Variants in AR observed in about 807,000 individuals in gnomAD.
AR encodes androgen receptor, also known as dihydrotestosterone receptor.
Under a neutral mutation model 53.9 loss-of-function variants are expected in AR, and 8 were observed. That is an observed-to-expected ratio of 0.15 (90% confidence interval 0.09 to 0.27). AR has a LOEUF of 0.27. Among genes scored for constraint, AR ranks in the 10% least tolerant of loss-of-function variants. The probability of loss-of-function intolerance (pLI) is 1.00; values close to 1 mark genes in which losing one functional copy is unlikely to be tolerated. For missense variants in AR, 639 were observed against 742.5 expected (o/e 0.86, Z 1.62); for synonymous variants, 359 against 316.4 (o/e 1.13, Z -1.43).
At chrX:67,693,543 T>C (rs1321841262) in intron 3 of AR, among the ~76,000 whole-genome samples, 6 of 112,332 alleles carry the variant, frequency 5.3e-5, no homozygotes, top group Non-Finnish European at 7.5e-5. Flanking sequence ...GTAAAATATT[T>C]TCTTTTTATA....
At chrX:67,660,808 A>G (rs1205252475) in intron 2 of AR, among the ~76,000 whole-genome samples, 5 of 111,385 alleles carry the variant, frequency 4.5e-5, no homozygotes, top group Admixed American at 1.9e-4. Flanking sequence ...CTTGGGCAGT[A>G]TGGCCATTTT....
intron 2 of AR, among the ~76,000 whole-genome samples, chrX:67,660,316 A>C (rs193189978): frequency 2.9e-3 from 323 of 111,720 alleles, no homozygotes; most frequent in African/African-American, 1.0e-2. Flanking sequence ...GGTATTGCGT[A>C]GGTTTTCTTC....
intron 2 of AR, among the ~76,000 whole-genome samples, chrX:67,658,919 G>A (rs1001251476): frequency 2.7e-5 from 3 of 111,846 alleles, no homozygotes; most frequent in Non-Finnish European, 3.8e-5. Context: ...AAACCTTTAC[G>A]AATAGTAGGT....
At chrX:67,662,177 A>G (rs1170257973) in intron 2 of AR, among the ~76,000 whole-genome samples, 1 of 111,440 alleles carries the variant, frequency 9.0e-6, no homozygotes, top group South Asian at 3.8e-4. Flanking sequence ...AGGGTTTTTT[A>G]CATCTCTATT....
At chrX:67,647,309 A>G (rs1238428094) in intron 2 of AR, among the ~76,000 whole-genome samples, 1 of 111,533 alleles carries the variant, frequency 9.0e-6, no homozygotes. Flanking sequence ...TCTTTAGCAA[A>G]TTTTATGTAA....
At chrX:67,705,862 T>C (rs1480030887) in intron 3 of AR, among the ~76,000 whole-genome samples, 2 of 111,855 alleles carry the variant, frequency 1.8e-5, no homozygotes, top group Non-Finnish European at 3.8e-5. Flanking sequence ...TGAAGGGCTG[T>C]TGAATTTTGT....
chrX:67,678,106 T>C (rs1382680291), intron 2 of AR, among the ~76,000 whole-genome samples: 2 of 109,660 alleles, frequency 1.8e-5, no homozygotes, highest in East Asian at 2.9e-4. Context: ...TTGGACTAAA[T>C]CAGTAGGTCT....
intron 1 of AR, among the ~76,000 whole-genome samples, chrX:67,626,436 C>CTTTTTTTT (rs1233324601): frequency 3.2e-4 from 15 of 46,817 alleles, no homozygotes; most frequent in Non-Finnish European, 5.3e-4. Context: ...CAGGCTCTCT[C>CTTTTTTTT]TTTTTTTTTT....
chrX:67,678,005 G>A (rs1166405034), intron 2 of AR, among the ~76,000 whole-genome samples: 1 of 111,595 alleles, frequency 9.0e-6, no homozygotes, highest in African/African-American at 3.3e-5. Context: ...CTGGATTCTT[G>A]TCTCTGTTTT....
chrX:67,654,886 G>A (rs1246232550), intron 2 of AR, among the ~76,000 whole-genome samples: 1 of 97,595 alleles, frequency 1.0e-5, no homozygotes, highest in African/African-American at 3.8e-5. Context: ...GGACCTCTTG[G>A]AGGAATGTGG....
At chrX:67,627,560 AT>A (rs1326646023) in intron 1 of AR, among the ~76,000 whole-genome samples, 2 of 110,550 alleles carry the variant, frequency 1.8e-5, no homozygotes, top group Non-Finnish European at 3.8e-5. Flanking sequence ...CGTTGCGAAA[AT>A]TTTCTCTCAT....
At chrX:67,632,186 TG>T (rs1376350305) in intron 1 of AR, among the ~76,000 whole-genome samples, 2 of 113,336 alleles carry the variant, frequency 1.8e-5, no homozygotes, top group Non-Finnish European at 3.7e-5. Context: ...GCTTCCCAGC[TG>T]CTTTGTTTAC....
intron 1 of AR, among the ~76,000 whole-genome samples, chrX:67,640,584 A>G (rs879008737): frequency 7.3e-5 from 8 of 110,084 alleles, no homozygotes; most frequent in Admixed American, 3.9e-4. Flanking sequence ...TTTCTTCTAG[A>G]TTTTCTATTT....
intron 1 of AR, among the ~76,000 whole-genome samples, chrX:67,640,131 G>A (rs9784953): frequency 5.4e-5 from 6 of 111,682 alleles, no homozygotes; most frequent in Non-Finnish European, 7.5e-5. Flanking sequence ...ATTGATTTGT[G>A]TATGTTGAAC....
At chrX:67,592,880 G>A (rs888758762) in intron 1 of AR, among the ~76,000 whole-genome samples, 1 of 111,039 alleles carries the variant, frequency 9.0e-6, no homozygotes, top group African/African-American at 3.3e-5. Context: ...ATAGCAGTGC[G>A]AGTAGGTTTC....
At chrX:67,692,035 G>A (rs2075997909) in intron 3 of AR, among the ~76,000 whole-genome samples, 1 of 111,944 alleles carries the variant, frequency 8.9e-6, no homozygotes, top group Non-Finnish European at 1.9e-5. Flanking sequence ...GAATTTAATA[G>A]TCCTTTTATA....
intron 1 of AR, among the ~76,000 whole-genome samples, chrX:67,631,468 C>T (rs992313549): frequency 1.9e-4 from 21 of 112,186 alleles, no homozygotes; most frequent in East Asian, 1.4e-3. Flanking sequence ...ACGTAGTTCT[C>T]GAGCCTTAGT....
At chrX:67,683,410 CT>C (rs1420877265) in intron 2 of AR, among the ~76,000 whole-genome samples, 5 of 110,344 alleles carry the variant, frequency 4.5e-5, no homozygotes, top group Non-Finnish European at 9.5e-5. Context: ...AAAAAAAAAA[CT>C]CTGTAAATAT....
In AR at chrX:67,546,664, C is replaced by G. The variant is rs200470843; in HGVS notation, c.1518C>G (p.Gly506=). ...DFTAPDVWYP[G]GMVSRVPYPS... is the part of the protein sequence containing the mutation. ...CCGCACCTGATGTGTGGTACCCTGG[C>G]GGCATGGTGAGCAGAGTGCCCTATC... Residue 506 remains glycine, a synonymous_variant, in exon 1 of 8, where the codon GGC becomes GGG. Coordinates refer to ENST00000374690, the MANE Select transcript of AR (RefSeq NM_000044.6). The G allele has an allele frequency of 6.6e-6, 8 of 1,204,227 alleles. No homozygotes were observed. In the Admixed American group the frequency reaches 1.5e-4, roughly 23 times the overall value.
Sources: allele counts gnomAD v4.1 joint callset (sites outside exome capture counted in the v4.1 genomes callset), GRCh38; gene constraint gnomAD v4.1.1; transcripts MANE v1.5; gene names NCBI Gene and HGNC (gene_info 2026-07-23, HGNC 2026-07-21).